The following RABGEF1 variants were observed in gnomAD, a reference collection of about 807,000 sequenced individuals.
RABGEF1 encodes the protein RAB guanine nucleotide exchange factor 1, also known as rab5 GDP/GTP exchange factor.
A neutral mutation model predicts 57.3 loss-of-function variants in RABGEF1; 26 were observed. The ratio of observed to expected loss-of-function variants is 0.45; its 90% confidence interval spans 0.33 to 0.63. The LOEUF is 0.63. RABGEF1 is among the 20% of genes least tolerant of loss of function. The pLI, the probability that RABGEF1 is intolerant of heterozygous loss-of-function variation, is 0.02. For missense variants in RABGEF1, 464 were observed against 607.6 expected, an observed-to-expected ratio of 0.76 and a Z score of 2.48; for synonymous variants, 185 against 210.7, an observed-to-expected ratio of 0.88 and a Z score of 1.06.
intron 2 of RABGEF1, among the ~76,000 whole-genome samples, chr7:66,734,056 C>CT (rs967392557): frequency 6.6e-6 from 1 of 152,174 alleles, no homozygotes; most frequent in Admixed American, 6.5e-5. Context: ...GCCTGGTTTC[C>CT]TTTTTTCTGT....
intron 3 of RABGEF1, among the ~76,000 whole-genome samples, chr7:66,782,687 T>C (rs903348004): frequency 6.6e-6 from 1 of 151,828 alleles, no homozygotes; most frequent in African/African-American, 2.4e-5. Flanking sequence ...CTTGAGTAGC[T>C]CAGTAGGAGA....
the RABGEF1 span, among the ~76,000 whole-genome samples, chr7:66,672,887 C>T: frequency 3.3e-5 from 5 of 151,562 alleles, no homozygotes; most frequent in African/African-American, 9.7e-5. Context: ...AGTGTCACAT[C>T]GCTCTGCAGA....
intron 1 of RABGEF1, among the ~76,000 whole-genome samples, chr7:66,696,655 A>G (rs959961833): frequency 1.4e-5 from 2 of 143,020 alleles, no homozygotes; most frequent in African/African-American, 5.3e-5. Context: ...ATGCCATTGC[A>G]CTCCAGCCTG....
chr7:66,767,518 T>G (rs138195238), intron 1 of RABGEF1, among the ~76,000 whole-genome samples: 160 of 152,330 alleles, frequency 1.1e-3, no homozygotes, highest in African/African-American at 3.7e-3. Flanking sequence ...TATGTAAACT[T>G]TTAAGATGGC....
At chr7:66,756,319 C>T (rs980567842) in intron 1 of RABGEF1, among the ~76,000 whole-genome samples, 13 of 152,186 alleles carry the variant, frequency 8.5e-5, no homozygotes, top group Non-Finnish European at 1.6e-4. Flanking sequence ...CAGATTCCCT[C>T]ATACACTGTA....
chr7:66,776,578 A>G (rs551054971), intron 3 of RABGEF1, among the ~76,000 whole-genome samples: 4 of 152,182 alleles, frequency 2.6e-5, no homozygotes, highest in Non-Finnish European at 5.9e-5. Flanking sequence ...CTGTAGTTCC[A>G]GCTGAGGCCA....
chr7:66,736,554 G>A (rs1797965610), upstream of RABGEF1, among the ~76,000 whole-genome samples: 1 of 152,164 alleles, frequency 6.6e-6, no homozygotes, highest in Admixed American at 6.6e-5. Context: ...GTGATAATGA[G>A]GTTGAGGTGG....
chr7:66,789,991 A>G (rs1294615534), intron 4 of RABGEF1, among the ~76,000 whole-genome samples: 2 of 152,218 alleles, frequency 1.3e-5, no homozygotes, highest in Admixed American at 6.5e-5. Flanking sequence ...CAAGATACTC[A>G]TGGAAGAAGT....
chr7:66,687,128 T>C (rs1304125848), intron 1 of RABGEF1, among the ~76,000 whole-genome samples: 1 of 143,626 alleles, frequency 7.0e-6, no homozygotes, highest in Non-Finnish European at 1.5e-5. Context: ...TTTTTTTTTT[T>C]TTTTTTTCTT....
chr7:66,738,602 C>A (rs1212905937), upstream of RABGEF1, among the ~76,000 whole-genome samples: 2 of 151,932 alleles, frequency 1.3e-5, no homozygotes, highest in Non-Finnish European at 2.9e-5. Flanking sequence ...TGTGCTGGCA[C>A]ACACCTATCA....
intron 1 of RABGEF1, among the ~76,000 whole-genome samples, chr7:66,703,555 A>G (rs924142658): frequency 1.3e-5 from 2 of 152,202 alleles, no homozygotes; most frequent in East Asian, 1.9e-4. Flanking sequence ...TGAAGAGACT[A>G]TTCTTTCCCC....
At chr7:66,744,450 C>T (rs1404484850) in intron 1 of RABGEF1, among the ~76,000 whole-genome samples, 1 of 151,456 alleles carries the variant, frequency 6.6e-6, no homozygotes, top group African/African-American at 2.4e-5. Context: ...AGGCGGATCA[C>T]GAGGTCAGGA....
At chr7:66,727,520 C>T (rs1448086854) in intron 2 of RABGEF1, among the ~76,000 whole-genome samples, 1 of 152,260 alleles carries the variant, frequency 6.6e-6, no homozygotes, top group African/African-American at 2.4e-5. Context: ...GGATCTTCCT[C>T]CTGCCAAGCC....
the RABGEF1 span, among the ~76,000 whole-genome samples, chr7:66,671,671 T>C: frequency 1.3e-5 from 2 of 151,940 alleles, no homozygotes; most frequent in African/African-American, 4.8e-5. Context: ...AACAGGAAAA[T>C]AGCAGCCAGG....
upstream of RABGEF1, among the ~76,000 whole-genome samples, chr7:66,680,216 C>A (rs1193122916): frequency 6.6e-6 from 1 of 152,106 alleles, no homozygotes; most frequent in Admixed American, 6.6e-5. Flanking sequence ...GGCTCCTCCA[C>A]CTCCTCAGCA....
intron 1 of RABGEF1, among the ~76,000 whole-genome samples, chr7:66,758,474 T>C (rs3800812): frequency 0.5 from 76,354 of 152,018 alleles, 20,109 homozygotes; most frequent in East Asian, 0.74. Context: ...CAACCAAGCT[T>C]CTATTTATTG....
chr7:66,753,690 A>G (rs893899919), intron 1 of RABGEF1, among the ~76,000 whole-genome samples: 36 of 102,244 alleles, frequency 3.5e-4, no homozygotes, highest in Middle Eastern at 0.013. Flanking sequence ...GAAAATGTCT[A>G]TTTTGCCATC....
intron 4 of RABGEF1, among the ~76,000 whole-genome samples, chr7:66,785,594 G>T: frequency 6.6e-6 from 1 of 152,230 alleles, no homozygotes; most frequent in African/African-American, 2.4e-5. Flanking sequence ...AGCCTTTGTG[G>T]CCGGGTGCGG....
At chr7:66,739,879 G>C (rs1263049573), upstream of RABGEF1, 1 of 152,090 alleles carries the variant, frequency 6.6e-6, no homozygotes, top group Non-Finnish European at 1.5e-5. Context: ...TCCTTACATG[G>C]GAATCACGTA....
Sources: allele counts gnomAD v4.1 joint callset (sites outside exome capture counted in the v4.1 genomes callset), GRCh38; gene constraint gnomAD v4.1.1; transcripts MANE v1.5; gene names NCBI Gene and HGNC (gene_info 2026-07-23, HGNC 2026-07-21).